Variants in ELOA observed in about 807,000 individuals in gnomAD.
ELOA encodes elongin A, also known as elongin-A.
ELOA carries 15 observed loss-of-function variants against 85.2 expected under a neutral mutation model. The ratio of observed to expected loss-of-function variants is 0.18; its 90% confidence interval spans 0.12 to 0.27. The LOEUF (loss-of-function observed/expected upper bound fraction) is 0.27, where lower values mean the gene tolerates loss of function less well. Ranked by LOEUF, ELOA falls within the 10% of genes least tolerant of loss-of-function variation. ELOA has a pLI of 1.00. For synonymous variants in ELOA, 348 were observed against 357.2 expected (o/e 0.97, Z 0.29); for missense variants, 769 against 952.7 (o/e 0.81, Z 2.54).
Position 23,757,126 on chromosome 1 carries a change from GT to G in ELOA, c.2257+2del. ...GATCCTAGGAAACCCACTGTGAAGA[GT>G]AAGTAACTTGGAGTTCCTGCTCAAA... On this transcript the variant is annotated splice_donor_variant, in intron 10 of 10. Coordinates refer to ENST00000613537, the MANE Select transcript of ELOA (RefSeq NM_003198.3). LOFTEE classifies it high-confidence loss of function. 13 of 1,539,140 alleles carry G rather than the reference GT, an allele frequency of 8.4e-6. No individual in the cohort carries two copies. The highest frequency in any genetic ancestry group is 1.0e-5 in the Non-Finnish European group (12 of 1,146,902).
At chr1:23,758,335 G>A (rs1409733360) in intron 10 of ELOA, among the ~76,000 whole-genome samples, 12 of 121,426 alleles carry the variant, frequency 9.9e-5, no homozygotes, top group African/African-American at 3.2e-4. Flanking sequence ...GTACAGTGGC[G>A]TGATCTCGGC....
At chr1:23,758,608 C>G (rs938780140) in intron 10 of ELOA, among the ~76,000 whole-genome samples, 1 of 147,722 alleles carries the variant, frequency 6.8e-6, no homozygotes, top group East Asian at 2.0e-4. Flanking sequence ...TATCTAGTTG[C>G]GTCTATTTTG....
At chr1:23,752,292 C>T (rs1002693086) in intron 4 of ELOA, 115 bp from the exon 5 acceptor site, 1 of 1,053,290 alleles carries the variant, frequency 9.5e-7, no homozygotes, top group Non-Finnish European at 1.4e-6. Flanking sequence ...GTGGCCCCCT[C>T]CAACCTGGAT....
intron 1 of ELOA, among the ~76,000 whole-genome samples, chr1:23,748,103 A>G (rs1644754507): frequency 6.6e-6 from 1 of 152,234 alleles, no homozygotes; most frequent in African/African-American, 2.4e-5. Flanking sequence ...TTGAAGATCA[A>G]GGGCAGAACG....
chr1:23,747,680 T>C (rs939430353), intron 1 of ELOA, among the ~76,000 whole-genome samples: 1 of 152,212 alleles, frequency 6.6e-6, no homozygotes, highest in Non-Finnish European at 1.5e-5. Flanking sequence ...ATGGTGGTGA[T>C]AGGATTTGAA....
rs188880028 is a variant in ELOA, at chr1:23,754,101, G to A, written c.1539G>A (p.Ala513=). 87 of 1,614,100 alleles carry A rather than the reference G, an allele frequency of 5.4e-5. No homozygotes were observed. In the East Asian group the frequency reaches 1.8e-3, roughly 33 times the overall value. Residue 513 remains alanine, a splice_region_variant and synonymous_variant, in exon 6 of 11, where the codon GCG becomes GCA. Transcript: ENST00000613537. The stretch of plus-strand genomic sequence containing the variant: ...TTTTGTGTTTTTCTTGCCCTATAGC[G>A]TTCTCTTCACCCCAGGAAGAAGAAG... ...LISSFQPKRK[A]FSSPQEEEEA...
chr1:23,749,288 G>A (rs766771254), intron 2 of ELOA, among the ~76,000 whole-genome samples: 14 of 152,204 alleles, frequency 9.2e-5, no homozygotes, highest in Non-Finnish European at 1.8e-4. Flanking sequence ...GGGGCTAGGA[G>A]AATTGGGAGG....
At chr1:23,749,997 A>G (rs1644761964) in intron 3 of ELOA, 49 bp downstream of exon 3, 3 of 1,469,000 alleles carry the variant, frequency 2.0e-6, no homozygotes, top group Non-Finnish European at 2.8e-6. Context: ...TTAAATTTAC[A>G]GATAGAAAAG....
rs754285866 is a variant in ELOA, at chr1:23,751,347, T to C, written c.742T>C (p.Ser248Pro). The C allele has an allele frequency of 6.2e-7, 1 of 1,614,132 alleles. No homozygotes were observed. The highest frequency in any genetic ancestry group is 8.5e-7 in the Non-Finnish European group (1 of 1,180,014). ...VVSQNKEHKS[S>P]HKDKRPVDAK... ...GAGTCAAAACAAGGAGCACAAATCT[T>C]CCCACAAGGACAAACGCCCCGTGGA... Residue 248 changes from serine (S) to proline (P), a missense_variant, in exon 4 of 11, where the codon TCC (serine) becomes CCC (proline). Ser to Pro is a moderately conservative substitution (Grantham distance 74). Coordinates refer to ENST00000613537, the MANE Select transcript of ELOA (RefSeq NM_003198.3).
chr1:23,758,665 G>C (rs1279189781), intron 10 of ELOA, among the ~76,000 whole-genome samples: 10 of 150,470 alleles, frequency 6.6e-5, no homozygotes, highest in Admixed American at 2.7e-4. Flanking sequence ...TATCCTAAGG[G>C]GATGTCCTAA....
At chr1:23,756,487 G>C (rs752474728) in intron 9 of ELOA, 102 bp downstream of exon 9, 40 of 1,010,316 alleles carry the variant, frequency 4.0e-5, no homozygotes, top group Non-Finnish European at 5.8e-5. Flanking sequence ...AGGCAGTGCA[G>C]ACTGTGGGCT....
chr1:23,756,586 G>A (rs1052179698), intron 9 of ELOA, among the ~76,000 whole-genome samples: 3 of 152,156 alleles, frequency 2.0e-5, no homozygotes, highest in Admixed American at 1.3e-4. Flanking sequence ...AATTACCCCT[G>A]CCCTAGGGTA....
rs760734858 is a variant in ELOA at position 23,743,490 on chromosome 1, C to G, written c.-14C>G. The G allele has an allele frequency of 6.6e-7, 1 of 1,504,784 alleles. No individual in the cohort carries two copies. The highest frequency in any genetic ancestry group is 1.4e-5 in the African/African-American group (1 of 69,326). 93.2% of individuals were successfully genotyped at this position (1,504,784 alleles called of 1,614,324 possible). A position where few individuals can be genotyped will look rare whatever the true frequency, so the allele number is the denominator to read the frequency against. Reference sequence around the variant, plus strand: ...GAGCCCAGTTCCGGCGAGGAGGCCGCGCCAGTGACAGCGATGGCGGCGGAG... The same window carrying G: ...GAGCCCAGTTCCGGCGAGGAGGCCGGGCCAGTGACAGCGATGGCGGCGGAG... On this transcript the variant is annotated 5_prime_UTR_variant, in exon 1 of 11. Coordinates refer to ENST00000613537, the MANE Select transcript of ELOA (RefSeq NM_003198.3).
chr1:23,747,566 C>A (rs936527364), intron 1 of ELOA, among the ~76,000 whole-genome samples: 1 of 152,148 alleles, frequency 6.6e-6, no homozygotes, highest in Admixed American at 6.5e-5. Context: ...TGTTTTTGAC[C>A]TTTTCAGTGA....
chr1:23,743,685 G>C, intron 1 of ELOA, 107 bp downstream of exon 1: 1 of 1,259,212 alleles, frequency 7.9e-7, no homozygotes, highest in African/African-American at 1.6e-5. Context: ...CCCTGAGCCA[G>C]GCCCCGCGGG....
Position 23,743,500 on chromosome 1 carries a change from A to C in ELOA, c.-4A>C. The C allele has an allele frequency of 1.3e-6, 2 of 1,505,952 alleles. No individual in the cohort carries two copies. Among genetic ancestry groups the C allele is most frequent in the South Asian group, 1.2e-5 (1 of 80,882 alleles). 93.3% of individuals were successfully genotyped at this position (1,505,952 alleles called of 1,614,324 possible). On this transcript the variant is annotated 5_prime_UTR_variant, in exon 1 of 11. Transcript: ENST00000613537. Reference sequence around the variant, plus strand: ...CCGGCGAGGAGGCCGCGCCAGTGACAGCGATGGCGGCGGAGTCGGCGCTCC... The same window carrying C: ...CCGGCGAGGAGGCCGCGCCAGTGACCGCGATGGCGGCGGAGTCGGCGCTCC...
At chr1:23,749,263 G>A (rs542774422) in intron 2 of ELOA, among the ~76,000 whole-genome samples, 186 bp downstream of exon 2, 1 of 152,336 alleles carries the variant, frequency 6.6e-6, no homozygotes, top group African/African-American at 2.4e-5. Context: ...ACAGAAAGTA[G>A]ATTAGTGGTT....
Position 23,751,052 on chromosome 1 carries a change from T to C in ELOA, c.447T>C (p.His149=), listed in dbSNP as rs746655753. The change falls in exon 4 of 11, where the codon CAT becomes CAC. Residue 149 remains histidine (H), a synonymous_variant. Coordinates refer to ENST00000613537, the MANE Select transcript of ELOA (RefSeq NM_003198.3). ...LERPHKVSHG[H]ERRDERKRCH... ...GACCTCACAAAGTGTCTCACGGTCA[T>C]GAGAGGAGAGATGAGAGAAAGAGGT... The C allele has an allele frequency of 6.2e-7, 1 of 1,613,780 alleles. No individual in the cohort carries two copies. The highest frequency in any genetic ancestry group is 2.2e-5 in the East Asian group (1 of 44,892).
At chr1:23,757,190 T>C (rs1301516752) in intron 10 of ELOA, 65 bp downstream of exon 10, 3 of 1,464,560 alleles carry the variant, frequency 2.0e-6, no homozygotes, top group Non-Finnish European at 2.7e-6. Context: ...TCAATGTCAT[T>C]ATTCACTGTA....
Sources: gnomAD v4.1 joint callset for allele counts (sites outside exome capture counted in the v4.1 genomes callset) on GRCh38, gnomAD v4.1.1 for gene constraint, MANE v1.5 for transcripts, NCBI Gene and HGNC (gene_info 2026-07-23, HGNC 2026-07-21) for gene names.